The following CATSPERT variants were observed in gnomAD, a reference collection of about 807,000 sequenced individuals.
CATSPERT encodes catsper channel auxiliary subunit tau.
At chr2:201,504,630 T>G in the CATSPERT span, among the ~76,000 whole-genome samples, 1 of 152,240 alleles carries the variant, frequency 6.6e-6, no homozygotes, top group African/African-American at 2.4e-5. Flanking sequence ...CTGCTTCTCA[T>G]GACCCAGGGA....
At chr2:201,540,343 G>C in the CATSPERT span, among the ~76,000 whole-genome samples, 1 of 152,206 alleles carries the variant, frequency 6.6e-6, no homozygotes, top group East Asian at 1.9e-4. Flanking sequence ...ACTGAAAGAA[G>C]GTGTCATCTA....
chr2:201,513,767 GT>G, the CATSPERT span, among the ~76,000 whole-genome samples: 11 of 152,134 alleles, frequency 7.2e-5, no homozygotes, highest in African/African-American at 2.7e-4. Context: ...ATGAAATCAT[GT>G]CCTTTGCAGC....
chr2:201,606,309 A>G, the CATSPERT span, among the ~76,000 whole-genome samples: 20 of 152,340 alleles, frequency 1.3e-4, no homozygotes, highest in South Asian at 4.1e-3. Flanking sequence ...CAAATTATCT[A>G]TGAAGATAAG....
the CATSPERT span, chr2:201,491,862 A>G: frequency 6.5e-7 from 1 of 1,536,990 alleles, no homozygotes; most frequent in East Asian, 2.4e-5. Flanking sequence ...TTTTATGAAC[A>G]GAATTTTCTG....
the CATSPERT span, among the ~76,000 whole-genome samples, chr2:201,563,031 C>T: frequency 4.6e-5 from 7 of 150,772 alleles, no homozygotes; most frequent in East Asian, 2.0e-4. Flanking sequence ...AGCTGTTGGG[C>T]ACACCTCCCA....
At chr2:201,504,190 C>T in the CATSPERT span, among the ~76,000 whole-genome samples, 57 of 152,172 alleles carry the variant, frequency 3.7e-4, no homozygotes, top group Non-Finnish European at 1.2e-4. Context: ...CCTCTGTCTG[C>T]TAAATTTCAG....
the CATSPERT span, among the ~76,000 whole-genome samples, chr2:201,532,834 A>T: frequency 6.6e-6 from 1 of 152,180 alleles, no homozygotes; most frequent in Non-Finnish European, 1.5e-5. Flanking sequence ...CACATTTGGT[A>T]ATATATTAGT....
chr2:201,607,096 T>A, the CATSPERT span, among the ~76,000 whole-genome samples: 1 of 152,016 alleles, frequency 6.6e-6, no homozygotes, highest in Non-Finnish European at 1.5e-5. Context: ...CCCCCACCTA[T>A]CAATAATAAC....
At chr2:201,528,038 A>G in the CATSPERT span, among the ~76,000 whole-genome samples, 2 of 149,876 alleles carry the variant, frequency 1.3e-5, no homozygotes, top group Admixed American at 6.8e-5. Flanking sequence ...TCCAGAATCT[A>G]TAAGGAACTT....
chr2:201,598,665 T>A, the CATSPERT span, among the ~76,000 whole-genome samples: 1 of 152,062 alleles, frequency 6.6e-6, no homozygotes, highest in South Asian at 2.1e-4. Context: ...CACTGCAAAC[T>A]CTGTCTCTCG....
At chr2:201,561,460 A>G in the CATSPERT span, among the ~76,000 whole-genome samples, 2 of 152,256 alleles carry the variant, frequency 1.3e-5, no homozygotes, top group African/African-American at 4.8e-5. Flanking sequence ...GAAACTCATA[A>G]GTAGATACAA....
chr2:201,594,187 C>G, the CATSPERT span, among the ~76,000 whole-genome samples: 2 of 152,162 alleles, frequency 1.3e-5, no homozygotes, highest in Admixed American at 6.5e-5. Flanking sequence ...GTGACAAAAT[C>G]TCTCAGCATT....
chr2:201,583,888 C>CA, the CATSPERT span, among the ~76,000 whole-genome samples: 2 of 152,266 alleles, frequency 1.3e-5, no homozygotes, highest in Admixed American at 1.3e-4. Context: ...ATACTCCTGG[C>CA]ACAGGAAACT....
the CATSPERT span, among the ~76,000 whole-genome samples, chr2:201,618,596 T>C: frequency 6.6e-6 from 1 of 150,768 alleles, no homozygotes; most frequent in Non-Finnish European, 1.5e-5. Flanking sequence ...CATTAGGAGA[T>C]ATACCTAATG....
chr2:201,494,654 A>T, the CATSPERT span: 3 of 1,536,752 alleles, frequency 2.0e-6, no homozygotes, highest in Non-Finnish European at 2.6e-6. Flanking sequence ...TCTGCACCTA[A>T]GATATTTCTA....
the CATSPERT span, among the ~76,000 whole-genome samples, chr2:201,610,932 TA>T: frequency 3.0e-4 from 45 of 151,370 alleles, no homozygotes; most frequent in Admixed American, 1.2e-3. Flanking sequence ...CCCTTCATGA[TA>T]AAAAAAAATT....
At chr2:201,514,324 AG>A in the CATSPERT span, among the ~76,000 whole-genome samples, 3 of 152,194 alleles carry the variant, frequency 2.0e-5, no homozygotes, top group African/African-American at 7.2e-5. Context: ...ATATATGAAA[AG>A]GATAAATACA....
the CATSPERT span, among the ~76,000 whole-genome samples, chr2:201,613,667 C>T: frequency 3.9e-5 from 6 of 152,162 alleles, no homozygotes; most frequent in South Asian, 4.1e-4. Context: ...AGGAACACAG[C>T]TCCTCGCCAG....
the CATSPERT span, chr2:201,618,752 G>T: frequency 2.6e-6 from 1 of 390,398 alleles, no homozygotes; most frequent in Non-Finnish European, 4.4e-6. Flanking sequence ...TGCTATAAAC[G>T]AAAAAAAAAA....
Sources: gnomAD v4.1 joint callset for allele counts (sites outside exome capture counted in the v4.1 genomes callset) on GRCh38, gnomAD v4.1.1 for gene constraint, MANE v1.5 for transcripts, NCBI Gene and HGNC (gene_info 2026-07-23, HGNC 2026-07-21) for gene names.